Variants in MAST4 observed in about 807,000 individuals in gnomAD.
The protein encoded by MAST4 is microtubule-associated serine/threonine-protein kinase 4.
In MAST4, 89 loss-of-function variants were observed where a neutral mutation model predicts 162.7. The ratio of observed to expected loss-of-function variants is 0.55; its 90% CI spans 0.46 to 0.65. MAST4 has a LOEUF of 0.65. Ranked by LOEUF, MAST4 falls within the 30% of genes least tolerant of loss-of-function variation. MAST4 has a pLI of 0.00. For missense variants in MAST4, 3,153 were observed against 3,374.0 expected (o/e 0.93, Z 1.62); for synonymous variants, 1,479 against 1,361.1 (o/e 1.09, Z -1.91).
intron 3 of MAST4, among the ~76,000 whole-genome samples, chr5:66,888,181 C>T (rs184501290): frequency 1.3e-5 from 2 of 152,126 alleles, no homozygotes; most frequent in African/African-American, 4.8e-5. Flanking sequence ...GACCTCTTTA[C>T]AATAAATTTC....
intron 4 of MAST4, among the ~76,000 whole-genome samples, chr5:67,028,650 G>T (rs1314779121): frequency 2.0e-5 from 3 of 152,158 alleles, no homozygotes; most frequent in Non-Finnish European, 2.9e-5. Flanking sequence ...TCATAGTTCT[G>T]CTTTAGCCTG....
At chr5:67,077,463 G>A (rs1368884490) in intron 5 of MAST4, among the ~76,000 whole-genome samples, 5 of 152,184 alleles carry the variant, frequency 3.3e-5, no homozygotes, top group Non-Finnish European at 7.3e-5. Flanking sequence ...ATAAAAGTAA[G>A]GGCCCCACTC....
intron 4 of MAST4, among the ~76,000 whole-genome samples, chr5:66,921,915 A>G (rs1214895359): frequency 6.6e-6 from 1 of 152,160 alleles, no homozygotes; most frequent in South Asian, 2.1e-4. Context: ...CCTTTATTCA[A>G]TATTACTTTC....
intron 2 of MAST4, among the ~76,000 whole-genome samples, chr5:66,768,801 T>A (rs1754227253): frequency 6.6e-6 from 1 of 152,232 alleles, no homozygotes; most frequent in Non-Finnish European, 1.5e-5. Flanking sequence ...GGTAAAGAGT[T>A]CTGTATTATT....
chr5:67,145,015 G>GC (rs1186823030), intron 22 of MAST4, 129 bp from the exon 23 acceptor site: 1 of 910,880 alleles, frequency 1.1e-6, no homozygotes, highest in African/African-American at 1.7e-5. Flanking sequence ...CACACATTAA[G>GC]AACCATTGCA....
At chr5:66,611,579 A>G (rs1029641984) in intron 1 of MAST4, among the ~76,000 whole-genome samples, 1 of 152,250 alleles carries the variant, frequency 6.6e-6, no homozygotes, top group Non-Finnish European at 1.5e-5. Context: ...GCCTCTCTTG[A>G]TATCTCTTTA....
At chr5:67,139,965 T>C (rs988408754) in intron 19 of MAST4, among the ~76,000 whole-genome samples, 2 of 152,254 alleles carry the variant, frequency 1.3e-5, no homozygotes, top group African/African-American at 2.4e-5. Context: ...TGTCATTGTC[T>C]GCAGAGATGA....
intron 5 of MAST4, among the ~76,000 whole-genome samples, chr5:67,084,183 T>G (rs1285363317): frequency 6.6e-6 from 1 of 152,246 alleles, no homozygotes; most frequent in Non-Finnish European, 1.5e-5. Context: ...CTACATGTTT[T>G]TCTTTCTATA....
rs753285575 is a variant in MAST4, at chr5:67,166,621, AC to A, written c.7443del (p.Asp2481GlufsTer35). 3 of 1,601,340 alleles carry A rather than the reference AC, an allele frequency of 1.9e-6. No individual in the cohort carries two copies. The highest frequency in any genetic ancestry group is 2.6e-6 in the Non-Finnish European group (3 of 1,174,374). On this transcript the variant is annotated frameshift_variant, in exon 29 of 29. Transcript: ENST00000403625. LOFTEE classifies it low-confidence loss of function (END_TRUNC). The part of the protein sequence containing the change: ...GVREASAASS[D>X]TSSAKAAGGM... Reference sequence around the variant, plus strand: ...AGAGAGGCCTCTGCAGCCAGCAGCGACACCTCTTCTGCCAAGGCCGCCGGGG... The same window carrying A: ...AGAGAGGCCTCTGCAGCCAGCAGCGAACCTCTTCTGCCAAGGCCGCCGGGG...
intron 1 of MAST4, among the ~76,000 whole-genome samples, chr5:66,600,488 C>T (rs77636438): frequency 2.0e-5 from 3 of 152,108 alleles, no homozygotes; most frequent in Admixed American, 6.5e-5. Context: ...GCAAACTGGC[C>T]GAGGGCAGGA....
chr5:66,749,978 A>T (rs1036743758), intron 1 of MAST4, among the ~76,000 whole-genome samples: 4 of 152,210 alleles, frequency 2.6e-5, no homozygotes, highest in African/African-American at 9.6e-5. Flanking sequence ...TTGATTCTTT[A>T]TTGGGTGGCA....
At chr5:66,825,407 A>T (rs1431214134) in intron 3 of MAST4, among the ~76,000 whole-genome samples, 1 of 152,130 alleles carries the variant, frequency 6.6e-6, no homozygotes, top group Non-Finnish European at 1.5e-5. Context: ...CCACCATCAT[A>T]TATGTGTCCC....
intron 18 of MAST4, 113 bp downstream of exon 18, chr5:67,134,801 T>C: frequency 1.2e-6 from 1 of 865,748 alleles, no homozygotes; most frequent in Non-Finnish European, 1.7e-6. Context: ...ATCAAACAGT[T>C]GAGCCAACAA....
intron 3 of MAST4, among the ~76,000 whole-genome samples, chr5:66,809,989 C>A (rs998546515): frequency 1.3e-5 from 2 of 152,210 alleles, no homozygotes; most frequent in African/African-American, 4.8e-5. Flanking sequence ...GTAGTACTTA[C>A]AACTTTCCTG....
At chr5:67,059,508 T>C (rs1759293920) in intron 5 of MAST4, among the ~76,000 whole-genome samples, 1 of 152,066 alleles carries the variant, frequency 6.6e-6, no homozygotes, top group South Asian at 2.1e-4. Flanking sequence ...TGAGTAAAAG[T>C]AGGAGCTCTA....
intron 4 of MAST4, among the ~76,000 whole-genome samples, chr5:66,904,867 C>A (rs1196399732): frequency 2.6e-5 from 4 of 151,962 alleles, no homozygotes; most frequent in African/African-American, 9.7e-5. Context: ...GATCCTGACA[C>A]CCAGGTAGTG....
At position 67,164,092 on chromosome 5, in the gene MAST4, G is replaced by A. The variant is rs1296853806; in HGVS notation, c.4913G>A (p.Arg1638Gln). The change falls in exon 29 of 29, where the codon CGG becomes CAG. Residue 1638 changes from arginine (R) to glutamine (Q), a missense_variant. By Grantham distance (43) the Arg-to-Gln change is conservative (BLOSUM62 1). This residue lies in a region of MAST4 where 1,644 missense variants were observed against 1,495.0 expected (regional missense o/e 1.10). Coordinates refer to ENST00000403625, the MANE Select transcript of MAST4 (RefSeq NM_001164664.2). The surrounding 1 kb of genome is among the most constrained non-coding windows in gnomAD (Gnocchi z 5.3). ...CGCCAGGGTGGCGGGGACTTCAGAC[G>A]GGCCCCCGCTCCTGGCACCCTCCAG... ...EHRQGGGDFR[R>Q]APAPGTLQDG... 3 of 1,572,156 alleles carry A rather than the reference G, an allele frequency of 1.9e-6. No homozygotes were observed. The highest frequency in any genetic ancestry group is 2.3e-5 in the East Asian group (1 of 43,012).
intron 1 of MAST4, among the ~76,000 whole-genome samples, chr5:66,650,329 T>A (rs750464989): frequency 6.6e-6 from 1 of 152,134 alleles, no homozygotes; most frequent in African/African-American, 2.4e-5. Context: ...CTCATGGTGA[T>A]ATAAGCCTAC....
chr5:66,854,543 T>C (rs1472675890), intron 3 of MAST4, among the ~76,000 whole-genome samples: 1 of 152,020 alleles, frequency 6.6e-6, no homozygotes, highest in East Asian at 1.9e-4. Context: ...TAGATCCTTG[T>C]CATGTTCTTC....
Sources: gnomAD v4.1 joint callset for allele counts (sites outside exome capture counted in the v4.1 genomes callset) on GRCh38, gnomAD v4.1.1 for gene constraint, gnomAD v4.1.1 regional missense constraint, Gnocchi (gnomAD v3.1) non-coding constraint, MANE v1.5 for transcripts, NCBI Gene and HGNC (gene_info 2026-07-23, HGNC 2026-07-21) for gene names.